Variants in CDH13 observed in about 807,000 individuals in gnomAD.
CDH13 encodes cadherin-13.
A neutral mutation model predicts 63.8 loss-of-function variants in CDH13; 24 were observed. The ratio of observed to expected loss-of-function variants is 0.38; its 90% CI spans 0.27 to 0.53. CDH13 has a LOEUF of 0.53. Among genes scored for constraint, CDH13 ranks in the 20% least tolerant of loss-of-function variants. The pLI is 0.85. For synonymous variants in CDH13, 503 were observed against 355.3 expected (o/e 1.42, Z -4.67); for missense variants, 1,049 against 903.1 (o/e 1.16, Z -2.07).
intron 1 of CDH13, among the ~76,000 whole-genome samples, chr16:82,725,999 G>A (rs543885520): frequency 6.6e-6 from 1 of 152,136 alleles, no homozygotes; most frequent in Non-Finnish European, 1.5e-5. Flanking sequence ...GAGGGTGGCC[G>A]TGCCATTCAA....
At chr16:83,397,108 C>G (rs573482167) in intron 6 of CDH13, among the ~76,000 whole-genome samples, 2 of 152,274 alleles carry the variant, frequency 1.3e-5, no homozygotes, top group East Asian at 3.9e-4. Context: ...CCCTTACCCC[C>G]ACTCCCCAGC....
intron 6 of CDH13, among the ~76,000 whole-genome samples, chr16:83,373,533 G>A (rs1274443849): frequency 2.0e-5 from 3 of 152,184 alleles, no homozygotes; most frequent in African/African-American, 7.2e-5. Flanking sequence ...TGTGACTTGG[G>A]CATAGGCTAT....
rs1325668993 is a variant in CDH13 at position 82,771,308 on chromosome 16, G to C, written c.46-87054G>C. On this transcript the variant is annotated intron_variant, in intron 1 of 13. Coordinates refer to ENST00000567109, the MANE Select transcript of CDH13 (RefSeq NM_001257.5). The stretch of plus-strand genomic sequence containing the variant: ...GTGTTATATGTCAATTATATACAGA[G>C]CACTGGGCTAAACTGGTTATCTGTG... 3.3e-5 allele frequency among the ~76,000 whole-genome samples: 5 copies of C among 152,272 alleles called. No individual in the cohort carries two copies. In the South Asian group the frequency reaches 1.0e-3, roughly 32 times the overall value.
chr16:82,855,687 C>T (rs286680), intron 1 of CDH13, among the ~76,000 whole-genome samples: 38,583 of 152,058 alleles, frequency 0.25, 5,190 homozygotes, highest in Non-Finnish European at 0.31. Context: ...GATTCACAAG[C>T]GGAACCGTAC....
At chr16:83,749,841 G>C (rs113274150) in intron 11 of CDH13, among the ~76,000 whole-genome samples, 2 of 152,262 alleles carry the variant, frequency 1.3e-5, no homozygotes, top group African/African-American at 4.8e-5. Context: ...CAGCCTGGGG[G>C]GTAGTCATGG....
chr16:82,771,576 C>T (rs2035267562), intron 1 of CDH13, among the ~76,000 whole-genome samples: 1 of 152,188 alleles, frequency 6.6e-6, no homozygotes, highest in African/African-American at 2.4e-5. Context: ...GAAACGGAGG[C>T]TCGGAGAGTT....
intron 2 of CDH13, among the ~76,000 whole-genome samples, chr16:83,030,077 C>A (rs1194092293): frequency 6.6e-6 from 1 of 152,126 alleles, no homozygotes; most frequent in Admixed American, 6.5e-5. Flanking sequence ...GCCGTCACAG[C>A]CTCTGCTTGT....
intron 1 of CDH13, among the ~76,000 whole-genome samples, chr16:82,795,388 C>A (rs117334798): frequency 0.011 from 1,605 of 152,262 alleles, 11 homozygotes; most frequent in Non-Finnish European, 0.017. Context: ...AGGTGAGAAG[C>A]TTCAAAAGGC....
At chr16:83,117,881 T>C (rs1406227506) in intron 3 of CDH13, among the ~76,000 whole-genome samples, 6 of 152,076 alleles carry the variant, frequency 3.9e-5, no homozygotes, top group East Asian at 1.9e-4. Flanking sequence ...GACAGCGTGA[T>C]ACTTGCTTCC....
chr16:83,281,331 A>G (rs7195546), intron 5 of CDH13, among the ~76,000 whole-genome samples: 3 of 152,212 alleles, frequency 2.0e-5, no homozygotes, highest in Admixed American at 6.5e-5. Flanking sequence ...TCTGCAGATT[A>G]TTCACCTCTC....
chr16:83,427,552 C>T (rs1465871321), intron 6 of CDH13, among the ~76,000 whole-genome samples: 2 of 152,186 alleles, frequency 1.3e-5, no homozygotes, highest in East Asian at 1.9e-4. Context: ...AACTATAAAT[C>T]ATCAGAGTTG....
intron 1 of CDH13, among the ~76,000 whole-genome samples, chr16:82,627,822 C>A (rs1220832529): frequency 1.3e-5 from 2 of 152,236 alleles, no homozygotes; most frequent in Non-Finnish European, 2.9e-5. Flanking sequence ...AGGGCGCAGG[C>A]CCCAGCCCCC....
At chr16:82,637,460 T>C (rs1908803639) in intron 1 of CDH13, among the ~76,000 whole-genome samples, 1 of 100,212 alleles carries the variant, frequency 1.0e-5, no homozygotes, top group Admixed American at 1.0e-4. Flanking sequence ...AGACGGAGTC[T>C]GGCTCTGTCA....
At chr16:83,482,494 T>G (rs1033104743) in intron 6 of CDH13, among the ~76,000 whole-genome samples, 1 of 152,212 alleles carries the variant, frequency 6.6e-6, no homozygotes, top group Admixed American at 6.5e-5. Flanking sequence ...TTGCCACGTA[T>G]TTCCCAAATC....
At chr16:83,367,009 T>C (rs754320692) in intron 6 of CDH13, among the ~76,000 whole-genome samples, 4 of 152,194 alleles carry the variant, frequency 2.6e-5, no homozygotes, top group Non-Finnish European at 4.4e-5. Context: ...ATTTAAAGTA[T>C]ATAATTCAAT....
At chr16:82,737,840 G>A (rs1037092899) in intron 1 of CDH13, among the ~76,000 whole-genome samples, 2 of 152,162 alleles carry the variant, frequency 1.3e-5, no homozygotes, top group African/African-American at 4.8e-5. Context: ...CCGGTTTAAT[G>A]TATACAGTGT....
In CDH13 at chr16:83,085,694, G is replaced by A. The variant is rs188854874; in HGVS notation, c.367-39691G>A. Among the ~76,000 whole-genome samples, 12 of 152,288 alleles carry A rather than the reference G, an allele frequency of 7.9e-5. No individual in the cohort carries two copies. In the East Asian group the frequency reaches 2.3e-3, roughly 29 times the overall value. On this transcript the variant is annotated intron_variant, in intron 3 of 13. Transcript: ENST00000567109. Reference sequence around the variant, plus strand: ...ACAAGCTCTACAGCAAGAAGAAGGAGAGAAATAAATGTTAGGGAGATGAGC... The same window carrying A: ...ACAAGCTCTACAGCAAGAAGAAGGAAAGAAATAAATGTTAGGGAGATGAGC...
intron 5 of CDH13, among the ~76,000 whole-genome samples, chr16:83,234,294 C>G (rs547770751): frequency 1.3e-5 from 2 of 152,218 alleles, no homozygotes; most frequent in Non-Finnish European, 2.9e-5. Context: ...GTGAGTGTCA[C>G]AAAACAGCCG....
intron 2 of CDH13, among the ~76,000 whole-genome samples, chr16:82,950,314 A>T (rs986924222): frequency 6.6e-6 from 1 of 152,032 alleles, no homozygotes; most frequent in Admixed American, 6.6e-5. Flanking sequence ...TCTGCCTCTG[A>T]GTCCAAATCT....
Sources: allele counts gnomAD v4.1 joint callset (sites outside exome capture counted in the v4.1 genomes callset), GRCh38; gene constraint gnomAD v4.1.1; transcripts MANE v1.5; gene names NCBI Gene and HGNC (gene_info 2026-07-23, HGNC 2026-07-21).